MRPS27: variants seen among roughly 807,000 people sequenced by gnomAD.
MRPS27 encodes the protein mitochondrial ribosomal protein S27.
Under a neutral mutation model 48.9 loss-of-function variants are expected in MRPS27, and 43 were observed. The ratio of observed to expected loss-of-function variants is 0.88; its 90% CI spans 0.69 to 1.13. MRPS27 has a LOEUF of 1.13. Among genes scored for constraint, MRPS27 ranks in the 50% most tolerant of loss-of-function variants. MRPS27 has a pLI of 0.00. For synonymous variants in MRPS27, 188 were observed against 171.9 expected, an observed-to-expected ratio of 1.09 and a Z score of -0.73; for missense variants, 467 against 476.3, an observed-to-expected ratio of 0.98 and a Z score of 0.18.
chr5:72,318,239 TA>T (rs1484641268), intron 1 of MRPS27, among the ~76,000 whole-genome samples: 2 of 152,244 alleles, frequency 1.3e-5, no homozygotes, highest in East Asian at 3.8e-4. Flanking sequence ...ACTGTTGTAT[TA>T]TTTTTTATTG....
chr5:72,231,832 T>C lies in MRPS27; in HGVS notation c.591+611A>G, dbSNP rs141389667. Among the ~76,000 whole-genome samples the C allele has an allele frequency of 8.5e-5, 13 of 152,242 alleles. No individual in the cohort carries two copies. The East Asian group carries it at 2.5e-3, about 29-fold the overall frequency. On this transcript the variant is annotated intron_variant, in intron 7 of 10. Coordinates refer to ENST00000261413, the MANE Select transcript of MRPS27 (RefSeq NM_015084.3). Reference sequence around the variant, plus strand: ...CTAGCTGGGGGGTTACTCTGTAACATCTCTAGGCCCCAGTCTCCTTATCTG... The same window carrying C: ...CTAGCTGGGGGGTTACTCTGTAACACCTCTAGGCCCCAGTCTCCTTATCTG...
intron 7 of MRPS27, among the ~76,000 whole-genome samples, chr5:72,229,750 T>C (rs1171373019): frequency 6.6e-6 from 1 of 152,184 alleles, no homozygotes; most frequent in Non-Finnish European, 1.5e-5. Flanking sequence ...AAAAGATGAA[T>C]GAAAACAAAC....
chr5:72,310,949 A>G (rs1219041611), intron 2 of MRPS27, among the ~76,000 whole-genome samples: 1 of 152,224 alleles, frequency 6.6e-6, no homozygotes, highest in Non-Finnish European at 1.5e-5. Context: ...TGGCTGGGGA[A>G]GCATAACAAT....
intron 4 of MRPS27, among the ~76,000 whole-genome samples, chr5:72,285,972 G>A (rs547180662): frequency 7.2e-5 from 11 of 152,134 alleles, no homozygotes; most frequent in Non-Finnish European, 1.3e-4. Flanking sequence ...TTACAGACAC[G>A]AATCCGTCCT....
intron 2 of MRPS27, among the ~76,000 whole-genome samples, chr5:72,306,862 A>AGT (rs1750283475): frequency 6.6e-6 from 1 of 152,208 alleles, no homozygotes; most frequent in Non-Finnish European, 1.5e-5. Context: ...TTGATGAAAC[A>AGT]ACACTGGTAG....
intron 5 of MRPS27, among the ~76,000 whole-genome samples, chr5:72,236,241 G>A (rs1748196286): frequency 2.0e-5 from 3 of 152,070 alleles, no homozygotes; most frequent in African/African-American, 7.2e-5. Flanking sequence ...AGGAGTAGAG[G>A]CAAACATCTA....
At chr5:72,266,875 A>T (rs1749119065) in intron 4 of MRPS27, among the ~76,000 whole-genome samples, 1 of 151,990 alleles carries the variant, frequency 6.6e-6, no homozygotes, top group South Asian at 2.1e-4. Flanking sequence ...AAAAAAGAAG[A>T]TGAAGCCCGA....
chr5:72,239,665 ATTTGTT>A (rs1561334495), intron 4 of MRPS27, among the ~76,000 whole-genome samples: 1 of 151,918 alleles, frequency 6.6e-6, no homozygotes, highest in Non-Finnish European at 1.5e-5. Context: ...TTTCCCTCAT[ATTTGTT>A]TTTATTTTTT....
chr5:72,319,537 C>CTT (rs35020848), intron 1 of MRPS27, among the ~76,000 whole-genome samples: 217 of 84,148 alleles, frequency 2.6e-3, no homozygotes, highest in Non-Finnish European at 3.4e-3. Context: ...TAGGTTTTTC[C>CTT]TTTTTTTTTT....
At chr5:72,299,243 G>A (rs973330035) in intron 2 of MRPS27, among the ~76,000 whole-genome samples, 1 of 150,078 alleles carries the variant, frequency 6.7e-6, no homozygotes, top group Non-Finnish European at 1.5e-5. Context: ...ACCTGCACAT[G>A]TACTCCCTGA....
rs1020240728 is a variant in MRPS27, at chr5:72,249,840, C to T, written c.282-11712G>A. ...ACTAAAACAATACAAAGAAATTAGC[C>T]GAGTGTGGTGGCAGCTGCCTGTAGT... is the stretch of plus-strand genomic sequence containing the variant. On this transcript the variant is annotated intron_variant, in intron 4 of 10. Coordinates refer to ENST00000261413, the MANE Select transcript of MRPS27 (RefSeq NM_015084.3). 1.2e-4 allele frequency among the ~76,000 whole-genome samples: 18 copies of T among 151,806 alleles called. No homozygotes were observed. In the South Asian group the frequency reaches 1.5e-3, roughly 12 times the overall value.
chr5:72,259,953 G>A (rs890997136), intron 4 of MRPS27, among the ~76,000 whole-genome samples: 3 of 150,498 alleles, frequency 2.0e-5, no homozygotes, highest in Admixed American at 6.6e-5. Context: ...AGGGTGGATG[G>A]ACATCGTTCA....
At position 72,314,116 on chromosome 5, in the gene MRPS27, T is replaced by G; in HGVS notation, c.116A>C (p.Lys39Thr). The G allele has an allele frequency of 1.9e-6, 3 of 1,613,264 alleles. No homozygotes were observed. The highest frequency in any genetic ancestry group is 2.5e-6 in the Non-Finnish European group (3 of 1,179,518). Residue 39 changes from lysine to threonine, a missense_variant, in exon 2 of 11, where the codon AAA becomes ACA. Lys to Thr is a moderately conservative substitution (Grantham distance 78). Coordinates refer to ENST00000261413, the MANE Select transcript of MRPS27 (RefSeq NM_015084.3). ...ATGTTCTTTTTCTCTTGCTTCCCAT[T>G]TGTGGCTGTCTACATAGGCTGAAGA... is the stretch of plus-strand genomic sequence containing the variant. Reference protein sequence around the residue: ...LLSSAYVDSHKWEAREKEHYC... With the variant: ...LLSSAYVDSHTWEAREKEHYC...
chr5:72,312,445 ACCC>A, intron 2 of MRPS27, among the ~76,000 whole-genome samples: 1 of 151,388 alleles, frequency 6.6e-6, no homozygotes. Context: ...CCGCATCTCT[ACCC>A]ATCTACACTT....
chr5:72,230,295 T>C (rs759413341), intron 7 of MRPS27, among the ~76,000 whole-genome samples: 1 of 152,198 alleles, frequency 6.6e-6, no homozygotes, highest in Non-Finnish European at 1.5e-5. Flanking sequence ...GCCTCTTCCA[T>C]TAATACAAAG....
rs1464332945 is a variant in MRPS27, at chr5:72,223,957, CTG to C, written c.838-109_838-108del. The C allele has an allele frequency of 6.5e-6, 7 of 1,079,118 alleles. No homozygotes were observed. In the African/African-American group the frequency reaches 9.5e-5, roughly 15 times the overall value. The allele number at this position is 1,079,118 out of a possible 1,614,324, so 66.8% of individuals were successfully genotyped here. The stretch of plus-strand genomic sequence containing the variant: ...GAAAGGAAGAATGAGCTCTAAAAGA[CTG>C]TGAAAACATTTCTCTTATAAAATTG... On this transcript the variant is annotated intron_variant, in intron 9 of 10. Transcript: ENST00000261413.
chr5:72,290,779 C>G (rs913530687), intron 4 of MRPS27, among the ~76,000 whole-genome samples: 2 of 152,182 alleles, frequency 1.3e-5, no homozygotes, highest in African/African-American at 4.8e-5. Context: ...TTAAAATTAA[C>G]ATGGGATATA....
At chr5:72,229,180 A>G (rs1177967789) in intron 7 of MRPS27, 2 of 152,228 alleles carry the variant, frequency 1.3e-5, no homozygotes, top group Non-Finnish European at 2.9e-5. Flanking sequence ...GCTTCAAAAC[A>G]TAGAACACTA....
intron 4 of MRPS27, among the ~76,000 whole-genome samples, chr5:72,277,052 C>A (rs1749396994): frequency 6.6e-6 from 1 of 151,618 alleles, no homozygotes; most frequent in Admixed American, 6.6e-5. Context: ...AAAAAGTGAG[C>A]AAAGGACATG....
Sources: gnomAD v4.1 joint callset for allele counts (sites outside exome capture counted in the v4.1 genomes callset) on GRCh38, gnomAD v4.1.1 for gene constraint, MANE v1.5 for transcripts, NCBI Gene and HGNC (gene_info 2026-07-23, HGNC 2026-07-21) for gene names.